CSMD1: variants seen among roughly 807,000 people sequenced by gnomAD.
The protein encoded by CSMD1 is CUB and Sushi multiple domains 1.
Under a neutral mutation model 417.5 loss-of-function variants are expected in CSMD1, and 213 were observed. The observed-to-expected ratio is 0.51, with a 90% CI of 0.46 to 0.57. The LOEUF is 0.57. CSMD1 is among the 20% of genes least tolerant of loss of function. The pLI is 0.00. For missense variants in CSMD1, 6,923 were observed against 4,529.7 expected (o/e 1.53, Z -15.17); for synonymous variants, 2,862 against 1,736.8 (o/e 1.65, Z -16.11).
chr8:4,567,017 G>A (rs1798647080), intron 2 of CSMD1, among the ~76,000 whole-genome samples: 1 of 152,048 alleles, frequency 6.6e-6, no homozygotes, highest in Non-Finnish European at 1.5e-5. Context: ...TATTTTTCAA[G>A]GTATTAACTG....
intron 1 of CSMD1, among the ~76,000 whole-genome samples, chr8:4,844,008 G>C (rs1365428917): frequency 1.3e-5 from 2 of 152,188 alleles, no homozygotes; most frequent in African/African-American, 4.8e-5. Context: ...AGACATTTGA[G>C]AAGGATGCTC....
chr8:4,223,012 A>C, intron 3 of CSMD1, among the ~76,000 whole-genome samples: 1 of 152,272 alleles, frequency 6.6e-6, no homozygotes, highest in East Asian at 1.9e-4. Context: ...AATAGACAAA[A>C]ACATAATAAT....
chr8:3,680,520 G>A (rs549125446), intron 7 of CSMD1, among the ~76,000 whole-genome samples: 7 of 152,086 alleles, frequency 4.6e-5, no homozygotes, highest in Non-Finnish European at 1.0e-4. Context: ...ACCAATAACA[G>A]GCTCTGAAAT....
chr8:4,784,523 C>A (rs552279682), intron 1 of CSMD1, among the ~76,000 whole-genome samples: 2 of 152,310 alleles, frequency 1.3e-5, no homozygotes, highest in South Asian at 4.1e-4. Flanking sequence ...TGAGAGGAGA[C>A]AGACCCTTTA....
At chr8:3,495,744 A>C (rs959838255) in intron 10 of CSMD1, among the ~76,000 whole-genome samples, 2 of 152,224 alleles carry the variant, frequency 1.3e-5, no homozygotes, top group African/African-American at 4.8e-5. Context: ...TGAAAACTGA[A>C]GACAAAAGGA....
At chr8:3,501,071 C>A (rs1796580219) in intron 10 of CSMD1, among the ~76,000 whole-genome samples, 1 of 151,632 alleles carries the variant, frequency 6.6e-6, no homozygotes, top group Non-Finnish European at 1.5e-5. Flanking sequence ...AAAGATTTCC[C>A]AAAAATCAAA....
intron 7 of CSMD1, among the ~76,000 whole-genome samples, chr8:3,705,772 G>C (rs756582505): frequency 6.6e-5 from 10 of 152,146 alleles, no homozygotes; most frequent in Admixed American, 1.3e-4. Flanking sequence ...AGAATCTCAA[G>C]AACTGTGGTC....
At chr8:4,312,733 G>C (rs185223609) in intron 3 of CSMD1, among the ~76,000 whole-genome samples, 1 of 152,002 alleles carries the variant, frequency 6.6e-6, no homozygotes, top group Non-Finnish European at 1.5e-5. Context: ...AATGAGCCAG[G>C]CGTGGTGGCA....
chr8:4,857,808 G>C (rs1334574166), intron 1 of CSMD1, among the ~76,000 whole-genome samples: 1 of 152,000 alleles, frequency 6.6e-6, no homozygotes, highest in Non-Finnish European at 1.5e-5. Flanking sequence ...GGACCAGATG[G>C]ATTCACAGCC....
chr8:4,616,257 G>C (rs1801470589), intron 2 of CSMD1, among the ~76,000 whole-genome samples: 2 of 152,236 alleles, frequency 1.3e-5, no homozygotes, highest in South Asian at 4.1e-4. Flanking sequence ...AAGAGGAATG[G>C]TTTACCAATT....
intron 17 of CSMD1, among the ~76,000 whole-genome samples, chr8:3,388,916 CACACACACACACACACACACACACAT>C (rs1468581045): frequency 2.3e-5 from 1 of 43,778 alleles, no homozygotes; most frequent in East Asian, 3.7e-4. Flanking sequence ...CACACACACA[CACACACACACACACACACACACACAT>C]TCACTTTCAG....
intron 10 of CSMD1, among the ~76,000 whole-genome samples, chr8:3,496,493 G>C (rs150927016): frequency 1.3e-5 from 2 of 152,272 alleles, no homozygotes; most frequent in Middle Eastern, 3.4e-3. Flanking sequence ...TGATATAGGT[G>C]TTTAATGCTA....
At chr8:3,990,127 C>T (rs1814634099) in intron 5 of CSMD1, among the ~76,000 whole-genome samples, 1 of 152,262 alleles carries the variant, frequency 6.6e-6, no homozygotes, top group Non-Finnish European at 1.5e-5. Context: ...ATTTATTTAA[C>T]AGCGTTAATT....
chr8:3,949,210 C>A (rs1811441123), intron 5 of CSMD1, among the ~76,000 whole-genome samples: 1 of 152,088 alleles, frequency 6.6e-6, no homozygotes, highest in Non-Finnish European at 1.5e-5. Context: ...ATAGTGACAA[C>A]CCTTAAAATC....
intron 7 of CSMD1, among the ~76,000 whole-genome samples, chr8:3,642,023 C>G (rs933756278): frequency 1.3e-5 from 2 of 152,088 alleles, no homozygotes; most frequent in Admixed American, 6.5e-5. Context: ...TCCCCCTCAC[C>G]ACATCTGCAA....
At chr8:3,929,181 G>A (rs1169643778) in intron 5 of CSMD1, among the ~76,000 whole-genome samples, 1 of 150,182 alleles carries the variant, frequency 6.7e-6, no homozygotes, top group Non-Finnish European at 1.5e-5. Flanking sequence ...AGAGTGCAAG[G>A]CTGAGGAAAG....
intron 5 of CSMD1, among the ~76,000 whole-genome samples, chr8:3,803,614 G>A (rs1336506393): frequency 6.6e-6 from 1 of 152,108 alleles, no homozygotes; most frequent in East Asian, 1.9e-4. Context: ...TGTCTGCAGT[G>A]GACTCAGAAC....
chr8:3,536,049 C>A (rs922183232), intron 10 of CSMD1, among the ~76,000 whole-genome samples: 1 of 152,162 alleles, frequency 6.6e-6, no homozygotes, highest in Non-Finnish European at 1.5e-5. Context: ...CTGTCATAGT[C>A]ACAGGTCCTG....
chr8:4,036,773 G>A (rs2954641), intron 3 of CSMD1, among the ~76,000 whole-genome samples: 1 of 152,136 alleles, frequency 6.6e-6, no homozygotes, highest in East Asian at 1.9e-4. Flanking sequence ...AGCACTGTTG[G>A]CAGCACCACT....
Sources: allele counts gnomAD v4.1 joint callset (sites outside exome capture counted in the v4.1 genomes callset), GRCh38; gene constraint gnomAD v4.1.1; transcripts MANE v1.5; gene names NCBI Gene and HGNC (gene_info 2026-07-23, HGNC 2026-07-21).